WDR26: variants seen among roughly 807,000 people sequenced by gnomAD.
WDR26 encodes WD repeat domain 26.
In WDR26, 5 loss-of-function variants were observed where a neutral mutation model predicts 84.1. The observed-to-expected ratio is 0.06, with a 90% CI of 0.03 to 0.13. WDR26 has a LOEUF of 0.13. Ranked by LOEUF, WDR26 falls within the 10% of genes least tolerant of loss-of-function variation. WDR26 has a pLI of 1.00. For missense variants in WDR26, 642 were observed against 974.9 expected, an observed-to-expected ratio of 0.66 and a Z score of 4.55; for synonymous variants, 415 against 389.6, an observed-to-expected ratio of 1.07 and a Z score of -0.77.
intron 1 of WDR26, among the ~76,000 whole-genome samples, chr1:224,432,609 C>G (rs961080878): frequency 6.6e-6 from 1 of 152,160 alleles, no homozygotes; most frequent in African/African-American, 2.4e-5. Context: ...TTTAGCTAAA[C>G]AGTGCAATGA....
At chr1:224,390,694 C>T (rs962332627) in intron 13 of WDR26, among the ~76,000 whole-genome samples, 4 of 152,022 alleles carry the variant, frequency 2.6e-5, no homozygotes, top group Admixed American at 1.3e-4. Flanking sequence ...ACTTTGAACC[C>T]GGGAGGCGGA....
chr1:224,395,180 G>T (rs1325014386), intron 12 of WDR26, among the ~76,000 whole-genome samples: 2 of 152,136 alleles, frequency 1.3e-5, no homozygotes, highest in African/African-American at 2.4e-5. Context: ...ACCTGTAAAT[G>T]GGGATACTAA....
Position 224,385,290 on chromosome 1 carries a change from AAT to A in WDR26, c.*4543_*4544del, listed in dbSNP as rs1491209338. On this transcript the variant is annotated 3_prime_UTR_variant, in exon 14 of 14. Transcript: ENST00000414423. Reference sequence around the variant, plus strand: ...GTTAATGTAGTTTCAGTTGAACAAAAATTTAAAGACGTTTAATACATTACACA... The same window carrying A: ...GTTAATGTAGTTTCAGTTGAACAAAATTAAAGACGTTTAATACATTACACA... 7.9e-5 allele frequency: 12 copies of A among 152,370 alleles called. No homozygotes were observed. The highest frequency in any genetic ancestry group is 1.6e-4 in the Non-Finnish European group (11 of 68,038). The allele number at this position is 152,370 out of a possible 1,614,324, so 9.4% of individuals were successfully genotyped here.
chr1:224,404,873 T>C (rs1673510578), intron 7 of WDR26, among the ~76,000 whole-genome samples: 1 of 152,212 alleles, frequency 6.6e-6, no homozygotes, highest in Admixed American at 6.5e-5. Flanking sequence ...CTTAGAAAGC[T>C]TTCAAGGCAA....
chr1:224,429,524 A>G (rs1401838933), intron 3 of WDR26: 1 of 152,234 alleles, frequency 6.6e-6, no homozygotes, highest in Non-Finnish European at 1.5e-5. Context: ...TGAGAAAAGT[A>G]AATTTAAACA....
At chr1:224,402,530 C>G (rs1291740677) in intron 8 of WDR26, among the ~76,000 whole-genome samples, 1 of 152,072 alleles carries the variant, frequency 6.6e-6, no homozygotes, top group Non-Finnish European at 1.5e-5. Flanking sequence ...TTAGATCACC[C>G]TTTTAGAAGA....
At position 224,434,543 on chromosome 1, in the gene WDR26, G is replaced by A. The variant is rs1674547566; in HGVS notation, c.-138C>T. 3.6e-6 allele frequency: 1 copy of A among 281,276 alleles called. No individual in the cohort carries two copies. The highest frequency in any genetic ancestry group is 5.2e-6 in the Non-Finnish European group (1 of 191,866). 17.4% of individuals were successfully genotyped at this position (281,276 alleles called of 1,614,324 possible). A position where few individuals can be genotyped will look rare whatever the true frequency, so the allele number is the denominator to read the frequency against. ...AGGGTGAGAGGAGGGGGAGGAGGAG[G>A]AGGGGGAGAAGGAGGATCCGGGCCC... On this transcript the variant is annotated 5_prime_UTR_variant, in exon 1 of 14. Transcript: ENST00000414423.
chr1:224,415,474 TTTTTG>T (rs1673872935), intron 6 of WDR26, among the ~76,000 whole-genome samples: 2 of 134,086 alleles, frequency 1.5e-5, no homozygotes, highest in African/African-American at 2.9e-5. Flanking sequence ...TTTTTTTTTT[TTTTTG>T]AGACGGAGTC....
intron 7 of WDR26, among the ~76,000 whole-genome samples, chr1:224,405,457 C>T (rs950873709): frequency 1.3e-5 from 2 of 152,104 alleles, no homozygotes; most frequent in South Asian, 2.1e-4. Flanking sequence ...ATTTCTGGGT[C>T]GTATGCTAAC....
intron 9 of WDR26, among the ~76,000 whole-genome samples, chr1:224,400,535 A>C (rs905249180): frequency 6.6e-6 from 1 of 152,076 alleles, no homozygotes; most frequent in Admixed American, 6.6e-5. Flanking sequence ...TTCATAGAGT[A>C]TATTTTGTTT....
At chr1:224,401,671 C>CAAAAAAAAAAAAAAAAAGAAAAAAAAAA (rs1673417301) in intron 8 of WDR26, among the ~76,000 whole-genome samples, 10 of 49,652 alleles carry the variant, frequency 2.0e-4, no homozygotes, top group African/African-American at 3.6e-4. Flanking sequence ...GAGACTGTCT[C>CAAAAAAAAAAAAAAAAAGAAAAAAAAAA]AAAAAAAAAA....
intron 6 of WDR26, among the ~76,000 whole-genome samples, chr1:224,414,931 C>T (rs148950062): frequency 8.5e-5 from 13 of 152,276 alleles, no homozygotes; most frequent in East Asian, 7.7e-4. Context: ...CAGGCTGAGA[C>T]GGGAGTTCAA....
At chr1:224,405,466 ACT>A (rs1223886877) in intron 7 of WDR26, among the ~76,000 whole-genome samples, 1 of 152,102 alleles carries the variant, frequency 6.6e-6, no homozygotes, top group Admixed American at 6.6e-5. Context: ...TCGTATGCTA[ACT>A]CTGTTTAACA....
chr1:224,404,212 T>C (rs1171996126), intron 8 of WDR26, among the ~76,000 whole-genome samples: 1 of 152,186 alleles, frequency 6.6e-6, no homozygotes. Flanking sequence ...CCAAACATCC[T>C]GAAAACACTT....
chr1:224,413,745 G>A (rs1673805123), intron 6 of WDR26, among the ~76,000 whole-genome samples: 1 of 152,150 alleles, frequency 6.6e-6, no homozygotes, highest in African/African-American at 2.4e-5. Flanking sequence ...AGGCACTGCT[G>A]GACAAAATTC....
At chr1:224,395,710 A>C (rs994162320) in intron 12 of WDR26, among the ~76,000 whole-genome samples, 1 of 152,186 alleles carries the variant, frequency 6.6e-6, no homozygotes, top group South Asian at 2.1e-4. Flanking sequence ...ATGCAATTGA[A>C]TATTTCTCTA....
In WDR26 at chr1:224,434,680, G is replaced by A; in HGVS notation, c.-275C>T. 1 of 874,970 alleles carries A rather than the reference G, an allele frequency of 1.1e-6. No individual in the cohort carries two copies. 54.2% of individuals were successfully genotyped at this position (874,970 alleles called of 1,614,324 possible). ...GGGCCCGCCGCTGGGCTGAGCCCCGGCAGTGGCTGCGGCGGCGGCGGCGGC... is the reference window on the plus strand; with the variant it reads ...GGGCCCGCCGCTGGGCTGAGCCCCGACAGTGGCTGCGGCGGCGGCGGCGGC... On this transcript the variant is annotated 5_prime_UTR_variant, in exon 1 of 14. Coordinates refer to ENST00000414423, the MANE Select transcript of WDR26 (RefSeq NM_001379403.1).
intron 3 of WDR26, chr1:224,430,617 G>C (rs1037665550): frequency 4.6e-5 from 7 of 152,080 alleles, no homozygotes; most frequent in Non-Finnish European, 7.4e-5. Context: ...TTAACAAACA[G>C]CTGGTTTCTC....
intron 12 of WDR26, 24 bp downstream of exon 12, chr1:224,398,073 T>A: frequency 6.2e-7 from 1 of 1,608,172 alleles, no homozygotes; most frequent in Non-Finnish European, 8.5e-7. Context: ...TCAACATATG[T>A]AAACTGATAA....
Sources: gnomAD v4.1 joint callset for allele counts (sites outside exome capture counted in the v4.1 genomes callset) on GRCh38, gnomAD v4.1.1 for gene constraint, MANE v1.5 for transcripts, NCBI Gene and HGNC (gene_info 2026-07-23, HGNC 2026-07-21) for gene names.